CNTN1: variants seen among roughly 807,000 people sequenced by gnomAD.
CNTN1 encodes contactin 1.
CNTN1 carries 38 observed loss-of-function variants against 126.4 expected under a neutral mutation model. The observed-to-expected ratio is 0.30, with a 90% CI of 0.23 to 0.39. The LOEUF is 0.39. CNTN1 is among the 10% of genes least tolerant of loss of function. CNTN1 has a pLI of 1.00. For missense variants in CNTN1, 1,009 were observed against 1,248.4 expected, an observed-to-expected ratio of 0.81 and a Z score of 2.89; for synonymous variants, 413 against 422.6, an observed-to-expected ratio of 0.98 and a Z score of 0.28.
At chr12:40,697,214 C>T (rs1450927384) in intron 1 of CNTN1, among the ~76,000 whole-genome samples, 1 of 152,178 alleles carries the variant, frequency 6.6e-6, no homozygotes, top group Non-Finnish European at 1.5e-5. Flanking sequence ...AATGTAAGCA[C>T]AGATTTATTC....
chr12:40,766,292 G>A (rs1441758855), intron 1 of CNTN1, among the ~76,000 whole-genome samples: 1 of 151,584 alleles, frequency 6.6e-6, no homozygotes, highest in East Asian at 1.9e-4. Flanking sequence ...GGGAAGTGGT[G>A]GTTTCAGTGA....
intron 1 of CNTN1, among the ~76,000 whole-genome samples, chr12:40,894,693 A>T (rs1944347903): frequency 6.6e-6 from 1 of 152,154 alleles, no homozygotes; most frequent in African/African-American, 2.4e-5. Context: ...TTTATCTATT[A>T]GCTGAGTATA....
chr12:40,936,998 C>T (rs1474730024), intron 10 of CNTN1, 93 bp downstream of exon 10: 2 of 1,492,864 alleles, frequency 1.3e-6, no homozygotes, highest in Non-Finnish European at 1.9e-6. Flanking sequence ...AGAGACAATA[C>T]AGAAAGGGCA....
chr12:41,018,342 G>A (rs1207429102), intron 19 of CNTN1, among the ~76,000 whole-genome samples: 1 of 151,960 alleles, frequency 6.6e-6, no homozygotes, highest in Non-Finnish European at 1.5e-5. Context: ...AACTTCCATT[G>A]TTTTCACTCC....
chr12:40,704,488 TTTTCACAGCTTCTTTGA>T (rs1250121728), intron 1 of CNTN1, among the ~76,000 whole-genome samples: 1 of 152,146 alleles, frequency 6.6e-6, no homozygotes, highest in Non-Finnish European at 1.5e-5. Context: ...ATCTTCATCT[TTTTCACAGCTTCTTTGA>T]TTTCACAGCT....
chr12:41,030,127 C>T (rs1182851919), intron 23 of CNTN1, among the ~76,000 whole-genome samples: 5 of 151,526 alleles, frequency 3.3e-5, no homozygotes, highest in Non-Finnish European at 7.4e-5. Flanking sequence ...ACAAGTTTAC[C>T]TGTATAACAA....
chr12:40,783,984 A>C (rs1275260655), intron 1 of CNTN1, among the ~76,000 whole-genome samples: 2 of 152,134 alleles, frequency 1.3e-5, no homozygotes, highest in African/African-American at 4.8e-5. Context: ...GCTAACAGTA[A>C]AGAAAAATAG....
intron 20 of CNTN1, 22 bp downstream of exon 20, chr12:41,020,462 CTA>C (rs576587535): frequency 1.2e-4 from 165 of 1,407,240 alleles, no homozygotes; most frequent in Non-Finnish European, 1.6e-4. Context: ...TTTTATCAAA[CTA>C]AATACATTTA....
intron 1 of CNTN1, among the ~76,000 whole-genome samples, chr12:40,824,949 T>C (rs1592128601): frequency 6.6e-6 from 1 of 152,164 alleles, no homozygotes; most frequent in Admixed American, 6.6e-5. Flanking sequence ...TAGTTAATTA[T>C]CTAATTTAAA....
chr12:40,967,099 G>A (rs1451718697), intron 15 of CNTN1, among the ~76,000 whole-genome samples: 1 of 152,068 alleles, frequency 6.6e-6, no homozygotes, highest in African/African-American at 2.4e-5. Flanking sequence ...CCCAGGGGGC[G>A]GAGGTTGCAG....
chr12:40,881,817 A>C (rs1234916426), intron 1 of CNTN1, among the ~76,000 whole-genome samples: 13 of 151,882 alleles, frequency 8.6e-5, no homozygotes, highest in Admixed American at 8.5e-4. Context: ...TGATTTAAAA[A>C]ATGATAAAAC....
At chr12:40,915,562 A>C (rs1945198522) in intron 3 of CNTN1, among the ~76,000 whole-genome samples, 1 of 152,112 alleles carries the variant, frequency 6.6e-6, no homozygotes. Context: ...CCCCATTATT[A>C]AATGAGACTG....
intron 1 of CNTN1, among the ~76,000 whole-genome samples, chr12:40,770,815 G>A (rs1386457025): frequency 6.6e-6 from 1 of 152,028 alleles, no homozygotes; most frequent in Non-Finnish European, 1.5e-5. Context: ...TCTGTTACGT[G>A]AACTTTATTG....
intron 1 of CNTN1, among the ~76,000 whole-genome samples, chr12:40,853,342 C>A (rs1007095203): frequency 6.6e-6 from 1 of 152,122 alleles, no homozygotes; most frequent in African/African-American, 2.4e-5. Context: ...GAAGTGAAAT[C>A]AATGGCTCCA....
intron 1 of CNTN1, among the ~76,000 whole-genome samples, chr12:40,816,381 C>T (rs190381412): frequency 5.0e-4 from 76 of 152,044 alleles, no homozygotes; most frequent in African/African-American, 1.2e-3. Flanking sequence ...AGTCCTGATA[C>T]GGTGTACATG....
chr12:40,983,936 T>C (rs1197171006), intron 16 of CNTN1, among the ~76,000 whole-genome samples: 1 of 146,580 alleles, frequency 6.8e-6, no homozygotes, highest in African/African-American at 2.5e-5. Flanking sequence ...TATTATATGC[T>C]ATGTCATATA....
chr12:40,990,331 T>C (rs1426240626), intron 16 of CNTN1, among the ~76,000 whole-genome samples: 1 of 152,230 alleles, frequency 6.6e-6, no homozygotes, highest in African/African-American at 2.4e-5. Flanking sequence ...ATGTCCATTC[T>C]GGAATTCCAT....
At chr12:40,920,827 T>C (rs1051808593) in intron 4 of CNTN1, among the ~76,000 whole-genome samples, 3 of 152,192 alleles carry the variant, frequency 2.0e-5, no homozygotes, top group African/African-American at 7.2e-5. Context: ...GTAGCAATAG[T>C]CTATGTTTCT....
chr12:40,999,593 A>C (rs1948304218), intron 17 of CNTN1, among the ~76,000 whole-genome samples: 1 of 152,154 alleles, frequency 6.6e-6, no homozygotes, highest in South Asian at 2.1e-4. Flanking sequence ...TAATATGCTA[A>C]GGCTACAATT....
Sources: gnomAD v4.1 joint callset for allele counts (sites outside exome capture counted in the v4.1 genomes callset) on GRCh38, gnomAD v4.1.1 for gene constraint, MANE v1.5 for transcripts, NCBI Gene and HGNC (gene_info 2026-07-23, HGNC 2026-07-21) for gene names.